Variants in IL1RAPL1 observed in about 807,000 individuals in gnomAD.
The protein encoded by IL1RAPL1 is interleukin-1 receptor accessory protein-like 1.
In IL1RAPL1, 3 loss-of-function variants were observed where a neutral mutation model predicts 48.4. That is an observed-to-expected ratio of 0.06 (90% CI 0.03 to 0.16). The LOEUF is 0.16. Among genes scored for constraint, IL1RAPL1 ranks in the 10% least tolerant of loss-of-function variants. IL1RAPL1 has a pLI of 1.00. For missense variants in IL1RAPL1, 349 were observed against 530.6 expected (o/e 0.66, Z 3.36); for synonymous variants, 185 against 187.7 (o/e 0.99, Z 0.12).
chrX:29,086,613 C>A (rs947433406), intron 2 of IL1RAPL1, among the ~76,000 whole-genome samples: 2 of 111,651 alleles, frequency 1.8e-5, no homozygotes, highest in African/African-American at 6.5e-5. Flanking sequence ...GATCTCTAGT[C>A]CTATCATAAC....
chrX:28,893,787 A>C (rs971290745), intron 2 of IL1RAPL1, among the ~76,000 whole-genome samples: 2 of 112,072 alleles, frequency 1.8e-5, no homozygotes, highest in African/African-American at 6.5e-5. Context: ...AGAGGTTATG[A>C]AATGATGACA....
At chrX:29,917,007 T>C (rs1363277195) in intron 6 of IL1RAPL1, among the ~76,000 whole-genome samples, 1 of 112,521 alleles carries the variant, frequency 8.9e-6, no homozygotes, top group Non-Finnish European at 1.9e-5. Context: ...TGGTTCCTTT[T>C]TCTTTGCAGC....
At chrX:29,574,442 C>T (rs1476966045) in intron 5 of IL1RAPL1, 1 of 110,045 alleles carries the variant, frequency 9.1e-6, no homozygotes, top group Non-Finnish European at 1.9e-5. Context: ...TACAAGTATC[C>T]CTTCTCAACA....
chrX:29,905,075 T>G (rs1932580513), intron 6 of IL1RAPL1, among the ~76,000 whole-genome samples: 1 of 112,425 alleles, frequency 8.9e-6, no homozygotes, highest in South Asian at 3.7e-4. Flanking sequence ...CTGAATGGTG[T>G]GAGATGGTAT....
intron 2 of IL1RAPL1, among the ~76,000 whole-genome samples, chrX:28,924,341 A>T (rs1423278153): frequency 1.8e-5 from 2 of 112,246 alleles, no homozygotes; most frequent in African/African-American, 6.5e-5. Context: ...ACATGCAATA[A>T]TAGCTTAAAC....
chrX:29,782,887 C>CTTT lies in IL1RAPL1; in HGVS notation c.778+114383_778+114384insTTT, dbSNP rs1569167260. Among the ~76,000 whole-genome samples, 118 of 59,836 alleles carry CTTT rather than the reference C, an allele frequency of 2.0e-3. 5 individuals carry two copies. The highest frequency in any genetic ancestry group is 6.7e-3 in the African/African-American group (104 of 15,456). The allele number at this position is 59,836 out of a possible 115,157, so 52.0% of individuals were successfully genotyped here. A position where few individuals can be genotyped will look rare whatever the true frequency, so the allele number is the denominator to read the frequency against. The stretch of plus-strand genomic sequence containing the variant: ...GGAAGATAAAATGGGTTGATCGTGA[C>CTTT]ATTTTTTTTTTTTTTTTTTTTTTTT... On this transcript the variant is annotated intron_variant, in intron 6 of 10. Transcript: ENST00000378993.
chrX:29,840,185 G>A (rs901394267), intron 6 of IL1RAPL1, among the ~76,000 whole-genome samples: 11 of 111,595 alleles, frequency 9.9e-5, no homozygotes, highest in African/African-American at 2.3e-4. Context: ...AGAAAAGCCC[G>A]TAAATTGAAT....
intron 6 of IL1RAPL1, among the ~76,000 whole-genome samples, chrX:29,852,958 AT>A (rs748005426): frequency 9.0e-6 from 1 of 111,472 alleles, no homozygotes; most frequent in African/African-American, 3.3e-5. Flanking sequence ...AAATGAGGCA[AT>A]CACACAGCTG....
At chrX:28,996,817 T>G (rs189015307) in intron 2 of IL1RAPL1, among the ~76,000 whole-genome samples, 7 of 111,625 alleles carry the variant, frequency 6.3e-5, no homozygotes, top group Admixed American at 1.9e-4. Flanking sequence ...GATTTGCATT[T>G]CCCTGATTGC....
chrX:29,100,839 A>G (rs1189853225), intron 2 of IL1RAPL1, among the ~76,000 whole-genome samples: 2 of 112,050 alleles, frequency 1.8e-5, no homozygotes, highest in Non-Finnish European at 3.8e-5. Flanking sequence ...ACTTATGTAA[A>G]TTGCTTAACA....
At chrX:29,478,536 T>C (rs1935002427) in intron 5 of IL1RAPL1, among the ~76,000 whole-genome samples, 1 of 110,825 alleles carries the variant, frequency 9.0e-6, no homozygotes, top group Non-Finnish European at 1.9e-5. Flanking sequence ...AGACAGATCA[T>C]CACTAGTCCC....
At chrX:29,776,183 A>C (rs1418315763) in intron 6 of IL1RAPL1, among the ~76,000 whole-genome samples, 1 of 111,285 alleles carries the variant, frequency 9.0e-6, no homozygotes, top group East Asian at 2.8e-4. Flanking sequence ...TCAGCTTTAC[A>C]TGTTCTCTTG....
intron 2 of IL1RAPL1, among the ~76,000 whole-genome samples, chrX:29,060,310 T>C (rs1198411824): frequency 8.9e-6 from 1 of 111,895 alleles, no homozygotes; most frequent in African/African-American, 3.2e-5. Context: ...GGGCTGATTC[T>C]TACACTTTTT....
chrX:28,955,589 T>C lies in IL1RAPL1; in HGVS notation c.82+166164T>C, dbSNP rs751536032. ...AGGTTTGTCAAAGATCAGATAGTTGTAGATATGCGGCGTTATTTCTGAGGG... is the reference window on the plus strand; with the variant it reads ...AGGTTTGTCAAAGATCAGATAGTTGCAGATATGCGGCGTTATTTCTGAGGG... On this transcript the variant is annotated intron_variant, in intron 2 of 10. Transcript: ENST00000378993. 5.6e-3 allele frequency among the ~76,000 whole-genome samples: 609 copies of C among 108,080 alleles called. 1 individual carries two copies. Among genetic ancestry groups the C allele is most frequent in the Middle Eastern group, 0.033 (7 of 210 alleles). The allele number at this position is 108,080 out of a possible 115,157, so 93.9% of individuals were successfully genotyped here.
chrX:28,595,073 A>G (rs1021940852), intron 1 of IL1RAPL1, among the ~76,000 whole-genome samples: 26 of 111,988 alleles, frequency 2.3e-4, no homozygotes, highest in African/African-American at 8.4e-4. Context: ...AATATCTTCT[A>G]GCTACACTTT....
In IL1RAPL1 at chrX:29,081,010, C is replaced by T. The variant is rs1398489011; in HGVS notation, c.83-201928C>T. Among the ~76,000 whole-genome samples, 155 of 67,676 alleles carry T rather than the reference C, an allele frequency of 2.3e-3. 2 individuals carry two copies. The highest frequency in any genetic ancestry group is 0.017 in the East Asian group (27 of 1,609). 58.8% of individuals were successfully genotyped at this position (67,676 alleles called of 115,157 possible). On this transcript the variant is annotated intron_variant, in intron 2 of 10. Coordinates refer to ENST00000378993, the MANE Select transcript of IL1RAPL1 (RefSeq NM_014271.4). ...TTTCTTTCTTTCTCTCTCTCTCTCTCTCTCTCTCTCTTTCTTTTCTTTTCT... is the reference window on the plus strand; with the variant it reads ...TTTCTTTCTTTCTCTCTCTCTCTCTTTCTCTCTCTCTTTCTTTTCTTTTCT...
chrX:29,863,098 A>G (rs1214684758), intron 6 of IL1RAPL1, among the ~76,000 whole-genome samples: 1 of 111,217 alleles, frequency 9.0e-6, no homozygotes, highest in Non-Finnish European at 1.9e-5. Context: ...ATGATATATA[A>G]TGTGAATGCC....
At chrX:28,692,504 T>C (rs781032645) in intron 1 of IL1RAPL1, among the ~76,000 whole-genome samples, 1 of 111,757 alleles carries the variant, frequency 8.9e-6, no homozygotes, top group Admixed American at 9.6e-5. Context: ...CAGTGCCAGC[T>C]TGTGGGCATT....
At chrX:29,696,737 A>G (rs1180688365) in intron 6 of IL1RAPL1, among the ~76,000 whole-genome samples, 2 of 111,198 alleles carry the variant, frequency 1.8e-5, no homozygotes, top group Admixed American at 9.6e-5. Context: ...CATTGCTTTC[A>G]TTTCCAGCAC....
Sources: allele counts gnomAD v4.1 joint callset (sites outside exome capture counted in the v4.1 genomes callset), GRCh38; gene constraint gnomAD v4.1.1; transcripts MANE v1.5; gene names NCBI Gene and HGNC (gene_info 2026-07-23, HGNC 2026-07-21).